Variants in PTPRG observed in about 807,000 individuals in gnomAD.
The protein encoded by PTPRG is receptor-type tyrosine-protein phosphatase gamma.
A neutral mutation model predicts 165.3 loss-of-function variants in PTPRG; 102 were observed. The ratio of observed to expected loss-of-function variants is 0.62; its 90% CI spans 0.53 to 0.73. The LOEUF is 0.73. Among genes scored for constraint, PTPRG ranks in the 30% least tolerant of loss-of-function variants. PTPRG has a pLI of 0.00. For missense variants in PTPRG, 1,866 were observed against 1,861.4 expected (o/e 1.00, Z -0.05); for synonymous variants, 675 against 669.5 (o/e 1.01, Z -0.13).
At chr3:61,750,645 G>T (rs192526928) in intron 2 of PTPRG, 2 of 152,286 alleles carry the variant, frequency 1.3e-5, no homozygotes, top group African/African-American at 4.8e-5. Context: ...AAGCCATGTC[G>T]TCTTTGTTGC....
intron 2 of PTPRG, among the ~76,000 whole-genome samples, chr3:61,751,629 A>T (rs1330976598): frequency 6.6e-6 from 1 of 152,200 alleles, no homozygotes; most frequent in Admixed American, 6.5e-5. Flanking sequence ...TGACATGGGA[A>T]TGATTAATAT....
At chr3:61,674,533 A>C (rs1255180231) in intron 1 of PTPRG, among the ~76,000 whole-genome samples, 1 of 149,978 alleles carries the variant, frequency 6.7e-6, no homozygotes, top group Admixed American at 6.7e-5. Flanking sequence ...CTCTATAAAT[A>C]CTCCATTAAA....
intron 2 of PTPRG, among the ~76,000 whole-genome samples, chr3:61,922,311 A>C (rs1455481876): frequency 6.6e-6 from 1 of 152,208 alleles, no homozygotes; most frequent in East Asian, 1.9e-4. Context: ...CATTCAACAC[A>C]CATTTCATGA....
At chr3:62,164,067 C>G (rs762746652) in intron 7 of PTPRG, among the ~76,000 whole-genome samples, 4 of 152,180 alleles carry the variant, frequency 2.6e-5, no homozygotes, top group Non-Finnish European at 4.4e-5. Flanking sequence ...TTAACCAGAT[C>G]TAGAAAAGCA....
At position 62,237,604 on chromosome 3, in the gene PTPRG, G is replaced by T. The variant is rs1007997183; in HGVS notation, c.2376-6203G>T. 2.6e-5 allele frequency among the ~76,000 whole-genome samples: 4 copies of T among 152,200 alleles called. No individual in the cohort carries two copies. The highest frequency in any genetic ancestry group is 4.4e-5 in the Non-Finnish European group (3 of 68,042). On this transcript the variant is annotated intron_variant, in intron 14 of 29. Coordinates refer to ENST00000474889, the MANE Select transcript of PTPRG (RefSeq NM_002841.4). This position sits in a 1 kb window ranked among gnomAD's most constrained non-coding sequence, Gnocchi z 4.5. ...AAGAGTAGACTTTATTTTTAAAGAG[G>T]TCTTTATCCTTAAAATATCTCCCTT...
chr3:62,004,887 A>T (rs1277729371), intron 4 of PTPRG, among the ~76,000 whole-genome samples: 1 of 152,198 alleles, frequency 6.6e-6, no homozygotes, highest in Non-Finnish European at 1.5e-5. Context: ...CCCTTCACAA[A>T]GAAGACACAT....
chr3:62,264,861 A>G, intron 17 of PTPRG, among the ~76,000 whole-genome samples: 1 of 152,172 alleles, frequency 6.6e-6, no homozygotes, highest in Non-Finnish European at 1.5e-5. Flanking sequence ...ATTTTGAGGA[A>G]CTATCAAACT....
chr3:61,871,634 T>A (rs533442342), intron 2 of PTPRG, among the ~76,000 whole-genome samples: 2 of 152,182 alleles, frequency 1.3e-5, no homozygotes, highest in South Asian at 4.1e-4. Context: ...GTAGCTTCCA[T>A]GAAAAGAGGA....
At chr3:61,797,583 C>CACCA (rs377742473) in intron 2 of PTPRG, among the ~76,000 whole-genome samples, 1 of 57,312 alleles carries the variant, frequency 1.7e-5, no homozygotes, top group African/African-American at 5.4e-5. Flanking sequence ...ATCTCCACAC[C>CACCA]CCCCCCCACC....
chr3:61,930,151 C>G (rs949495982), intron 2 of PTPRG, among the ~76,000 whole-genome samples: 2 of 151,880 alleles, frequency 1.3e-5, no homozygotes, highest in East Asian at 3.9e-4. Flanking sequence ...ATGGAGCTAC[C>G]TACACTGTAT....
chr3:61,961,835 T>A (rs1460927297), intron 2 of PTPRG, among the ~76,000 whole-genome samples: 1 of 152,186 alleles, frequency 6.6e-6, no homozygotes, highest in Non-Finnish European at 1.5e-5. Flanking sequence ...GGCTTTTAAA[T>A]GAGAAACTCT....
intron 6 of PTPRG, among the ~76,000 whole-genome samples, chr3:62,148,312 G>A (rs553186729): frequency 1.0e-3 from 157 of 152,250 alleles, no homozygotes; most frequent in African/African-American, 3.4e-3. Context: ...TAGGTGGTCA[G>A]CAAGGGAGAG....
At chr3:61,621,051 A>ATATATATATATATATGTGTGTGTG in intron 1 of PTPRG, among the ~76,000 whole-genome samples, 301 of 117,872 alleles carry the variant, frequency 2.6e-3, no homozygotes, top group Admixed American at 3.7e-3. Flanking sequence ...ATATATATAT[A>ATATATATATATATATGTGTGTGTG]TGTGTGTGTG....
chr3:61,749,293 AG>A (rs2033339349), intron 2 of PTPRG: 1 of 407,062 alleles, frequency 2.5e-6, no homozygotes. Context: ...CTGTTTTTTC[AG>A]GGGCTGTGAT....
chr3:61,751,927 A>G (rs1277035505), intron 2 of PTPRG, among the ~76,000 whole-genome samples: 13 of 151,934 alleles, frequency 8.6e-5, no homozygotes, highest in Admixed American at 6.6e-5. Context: ...CGGGAGGCGG[A>G]GCTTGCAGTG....
At position 61,690,464 on chromosome 3, in the gene PTPRG, C is replaced by T. The variant is rs114854645; in HGVS notation, c.86-58414C>T. The stretch of plus-strand genomic sequence containing the variant: ...GGACCCTGTCTGCCTTGTTTTTCAT[C>T]ACCTGGACGTCTGATACATGCAAAG... On this transcript the variant is annotated intron_variant, in intron 1 of 29. Coordinates refer to ENST00000474889, the MANE Select transcript of PTPRG (RefSeq NM_002841.4). Among the ~76,000 whole-genome samples the T allele has an allele frequency of 3.5e-3, 538 of 152,286 alleles. 6 individuals are homozygous for T. Among genetic ancestry groups the T allele is most frequent in the African/African-American group, 0.012 (514 of 41,546 alleles).
intron 1 of PTPRG, among the ~76,000 whole-genome samples, chr3:61,562,823 G>A (rs1224730799): frequency 6.6e-6 from 1 of 152,184 alleles, no homozygotes; most frequent in African/African-American, 2.4e-5. Flanking sequence ...CAGAAGGTGG[G>A]GGTTTGCTTT....
At chr3:61,903,227 T>A (rs1424473937) in intron 2 of PTPRG, among the ~76,000 whole-genome samples, 1 of 152,212 alleles carries the variant, frequency 6.6e-6, no homozygotes, top group Non-Finnish European at 1.5e-5. Flanking sequence ...CATGAGCTGC[T>A]GCTCTCCTGA....
chr3:61,906,741 C>T (rs2038666196), intron 2 of PTPRG, among the ~76,000 whole-genome samples: 1 of 152,102 alleles, frequency 6.6e-6, no homozygotes, highest in Admixed American at 6.5e-5. Flanking sequence ...AATTACACCA[C>T]TGTATTCTAG....
Sources: allele counts gnomAD v4.1 joint callset (sites outside exome capture counted in the v4.1 genomes callset), GRCh38; gene constraint gnomAD v4.1.1; non-coding constraint Gnocchi (gnomAD v3.1); transcripts MANE v1.5; gene names NCBI Gene and HGNC (gene_info 2026-07-23, HGNC 2026-07-21).